Variants in KIF13B observed in about 807,000 individuals in gnomAD.
KIF13B encodes kinesin family member 13B.
Under a neutral mutation model 222.0 loss-of-function variants are expected in KIF13B, and 127 were observed. That is an observed-to-expected ratio of 0.57 (90% CI 0.50 to 0.66). KIF13B has a LOEUF of 0.66. Among genes scored for constraint, KIF13B ranks in the 30% least tolerant of loss-of-function variants. The pLI is 0.00. For missense variants in KIF13B, 2,173 were observed against 2,379.0 expected (o/e 0.91, Z 1.80); for synonymous variants, 976 against 919.0 (o/e 1.06, Z -1.12).
At chr8:29,147,973 G>A (rs1200048781) in intron 16 of KIF13B, among the ~76,000 whole-genome samples, 5 of 152,178 alleles carry the variant, frequency 3.3e-5, no homozygotes, top group African/African-American at 9.7e-5. Context: ...CGAGGTGGGC[G>A]GATCACCTGA....
At chr8:29,218,090 G>C (rs1814576352) in intron 2 of KIF13B, among the ~76,000 whole-genome samples, 1 of 152,234 alleles carries the variant, frequency 6.6e-6, no homozygotes, top group Admixed American at 6.5e-5. Flanking sequence ...TATTGGATGG[G>C]ATAAGAGAAT....
At chr8:29,177,814 G>A (rs369464164) in intron 8 of KIF13B, among the ~76,000 whole-genome samples, 6 of 152,174 alleles carry the variant, frequency 3.9e-5, no homozygotes, top group African/African-American at 1.4e-4. Context: ...GGAAACTGAG[G>A]TGGGAGATCA....
At chr8:29,112,251 G>A (rs1809391169) in intron 32 of KIF13B, among the ~76,000 whole-genome samples, 1 of 152,022 alleles carries the variant, frequency 6.6e-6, no homozygotes, top group Non-Finnish European at 1.5e-5. Flanking sequence ...TGGCCAACGT[G>A]GTGAAATCCC....
At position 29,142,217 on chromosome 8, in the gene KIF13B, G is replaced by A. The variant is rs1375408946; in HGVS notation, c.2274C>T (p.Asn758=). 1 of 1,613,454 alleles carries A rather than the reference G, an allele frequency of 6.2e-7. No individual in the cohort carries two copies. The highest frequency in any genetic ancestry group is 1.1e-5 in the South Asian group (1 of 91,068). Residue 758 remains asparagine (N), a synonymous_variant, in exon 19 of 40, where the codon AAC becomes AAT. Transcript: ENST00000524189. ...KQIWSLEKLD[N]RLLDMRDLYQ... ...AAAGGTCTCTCATATCCAACAGCCT[G>A]TTGTCCAGTTTTTCCAAAGACCAAA... is the stretch of plus-strand genomic sequence containing the variant.
At chr8:29,173,363 T>TG (rs1812332718) in intron 10 of KIF13B, among the ~76,000 whole-genome samples, 6 of 151,848 alleles carry the variant, frequency 4.0e-5, no homozygotes, top group Non-Finnish European at 8.8e-5. Flanking sequence ...GACTCACAAC[T>TG]GTAATCCTGG....
At chr8:29,104,186 C>A (rs991153843) in intron 35 of KIF13B, among the ~76,000 whole-genome samples, 1 of 152,082 alleles carries the variant, frequency 6.6e-6, no homozygotes, top group Non-Finnish European at 1.5e-5. Context: ...CCACACTGTC[C>A]CCACTATCCC....
At position 29,126,525 on chromosome 8, in the gene KIF13B, T is replaced by C. The variant is rs3793435; in HGVS notation, c.3223-14A>G. On this transcript the variant is annotated splice_polypyrimidine_tract_variant and intron_variant, in intron 25 of 39. Coordinates refer to ENST00000524189, the MANE Select transcript of KIF13B (RefSeq NM_015254.4). ...TTCCTCTTCCTCCTAAAAGAAAATATACATTACAAAGAACTGAATTATTGA... is the reference window on the plus strand; with the variant it reads ...TTCCTCTTCCTCCTAAAAGAAAATACACATTACAAAGAACTGAATTATTGA... 0.52 allele frequency: 741,690 copies of C among 1,438,510 alleles called. 200,202 individuals are homozygous for C. Among genetic ancestry groups the C allele is most frequent in the Non-Finnish European group, 0.56 (578,643 of 1,033,274 alleles). 89.1% of individuals were successfully genotyped at this position (1,438,510 alleles called of 1,614,324 possible).
chr8:29,133,789 T>C (rs144610574), intron 22 of KIF13B, among the ~76,000 whole-genome samples: 39 of 152,192 alleles, frequency 2.6e-4, no homozygotes, highest in Non-Finnish European at 5.9e-5. Context: ...TAACCTAATA[T>C]AGGACATAGA....
chr8:29,262,751 G>C (rs1414734819), intron 1 of KIF13B, among the ~76,000 whole-genome samples: 2 of 150,398 alleles, frequency 1.3e-5, no homozygotes, highest in Non-Finnish European at 3.0e-5. Context: ...GGGCCGGCAC[G>C]AGGGGCCCGA....
chr8:29,095,932 A>G (rs1808501121), intron 36 of KIF13B, among the ~76,000 whole-genome samples: 1 of 151,048 alleles, frequency 6.6e-6, no homozygotes, highest in South Asian at 2.1e-4. Flanking sequence ...AAGATTATCC[A>G]TTTTTTCTGT....
chr8:29,097,395 T>C (rs1240589164), intron 36 of KIF13B, among the ~76,000 whole-genome samples: 1 of 152,188 alleles, frequency 6.6e-6, no homozygotes, highest in Non-Finnish European at 1.5e-5. Flanking sequence ...ACAATTATAT[T>C]TGGATATCTA....
rs141812080 is a variant in KIF13B, at chr8:29,072,433, C to T, written c.4522-117G>A. 136 of 587,534 alleles carry T rather than the reference C, an allele frequency of 2.3e-4. No homozygotes were observed. The African/African-American group carries it at 2.4e-3, about 10-fold the overall frequency. 36.4% of individuals were successfully genotyped at this position (587,534 alleles called of 1,614,324 possible). A position where few individuals can be genotyped will look rare whatever the true frequency, so the allele number is the denominator to read the frequency against. On this transcript the variant is annotated intron_variant, in intron 38 of 39. Transcript: ENST00000524189. ...CAGGGGCAGTGGCTCAGCCTGTAAC[C>T]CCAGTGCTTATGGAGGGCAAGACGG...
Position 29,075,309 on chromosome 8 carries a change from G to C in KIF13B, c.4493C>G (p.Pro1498Arg), listed in dbSNP as rs374209248. The change falls in exon 38 of 40, where the codon CCG (proline) becomes CGG (arginine). Residue 1498 changes from proline (P) to arginine (R), a missense_variant. By Grantham distance (103) the Pro-to-Arg change is moderately radical. Around this residue, in one of 2 missense-constraint regions of KIF13B, gnomAD observed 693 missense variants for 656.2 expected, o/e 1.06. Transcript: ENST00000524189. ...VPRIMVQSAS[P>R]DIRVTRMEEA... is the part of the protein sequence containing the mutation. ...CTCCATCCTGGTCACCCTGATGTCCGGGCTGGCTGACTGCACCATGATGCG... is the reference window on the plus strand; with the variant it reads ...CTCCATCCTGGTCACCCTGATGTCCCGGCTGGCTGACTGCACCATGATGCG... The C allele has an allele frequency of 6.4e-7, 1 of 1,558,922 alleles. No homozygotes were observed. Among genetic ancestry groups the C allele is most frequent in the Admixed American group, 1.9e-5 (1 of 52,212 alleles).
At chr8:29,074,037 G>A (rs1197186356) in intron 38 of KIF13B, among the ~76,000 whole-genome samples, 1 of 149,302 alleles carries the variant, frequency 6.7e-6, no homozygotes, top group Non-Finnish European at 1.5e-5. Flanking sequence ...GGGAGAATAC[G>A]CAAAACTATG....
intron 2 of KIF13B, among the ~76,000 whole-genome samples, chr8:29,201,451 G>A (rs969339851): frequency 1.3e-5 from 2 of 152,134 alleles, no homozygotes; most frequent in Non-Finnish European, 2.9e-5. Flanking sequence ...CATCACCTCT[G>A]AAAATGTTGT....
At chr8:29,151,545 G>A (rs573923903) in intron 14 of KIF13B, among the ~76,000 whole-genome samples, 3 of 152,310 alleles carry the variant, frequency 2.0e-5, no homozygotes, top group Non-Finnish European at 4.4e-5. Flanking sequence ...AATGCTTACT[G>A]ACCATTCTGA....
chr8:29,091,439 T>G (rs957781100), intron 37 of KIF13B, among the ~76,000 whole-genome samples: 1 of 152,146 alleles, frequency 6.6e-6, no homozygotes, highest in Non-Finnish European at 1.5e-5. Context: ...AAACAGCAAC[T>G]GAAAACACTG....
chr8:29,098,042 G>C (rs969245989), intron 36 of KIF13B, among the ~76,000 whole-genome samples: 1 of 151,460 alleles, frequency 6.6e-6, no homozygotes, highest in Non-Finnish European at 1.5e-5. Context: ...ATGGTGGCAC[G>C]TGCCTGCAGT....
intron 24 of KIF13B, among the ~76,000 whole-genome samples, chr8:29,127,959 A>G (rs1810188656): frequency 6.6e-6 from 1 of 151,844 alleles, no homozygotes; most frequent in Non-Finnish European, 1.5e-5. Flanking sequence ...ACAGTTGTTA[A>G]AGTATTACTG....
Sources: gnomAD v4.1 joint callset for allele counts (sites outside exome capture counted in the v4.1 genomes callset) on GRCh38, gnomAD v4.1.1 for gene constraint, gnomAD v4.1.1 regional missense constraint, MANE v1.5 for transcripts, NCBI Gene and HGNC (gene_info 2026-07-23, HGNC 2026-07-21) for gene names.